Variants in ITIH1 observed in about 807,000 individuals in gnomAD.
ITIH1 encodes inter-alpha-trypsin inhibitor heavy chain 1.
ITIH1 carries 94 observed loss-of-function variants against 104.6 expected under a neutral mutation model. That is an observed-to-expected ratio of 0.90 (90% CI 0.76 to 1.07). The LOEUF (loss-of-function observed/expected upper bound fraction) is 1.07. Among genes scored for constraint, ITIH1 ranks in the 50% least tolerant of loss-of-function variants. The probability of loss-of-function intolerance (pLI) is 0.00; values close to 1 mark genes in which losing one functional copy is unlikely to be tolerated. For missense variants in ITIH1, 1,193 were observed against 1,181.4 expected (o/e 1.01, Z -0.14); for synonymous variants, 455 against 464.4 (o/e 0.98, Z 0.26).
intron 20 of ITIH1, 49 bp from the exon 21 acceptor site, chr3:52,791,468 G>A (rs1699353673): frequency 1.3e-6 from 2 of 1,491,240 alleles, no homozygotes; most frequent in Non-Finnish European, 9.3e-7. Context: ...GTGCAGGGCA[G>A]GAGCAAGTCC....
chr3:52,783,963 G>A (rs774049130), intron 10 of ITIH1, among the ~76,000 whole-genome samples: 1 of 152,178 alleles, frequency 6.6e-6, no homozygotes, highest in African/African-American at 2.4e-5. Flanking sequence ...GCCTGCCCGG[G>A]AACTGTGGGC....
At chr3:52,777,813 A>G in intron 1 of ITIH1, 81 bp downstream of exon 1, 1 of 1,384,326 alleles carries the variant, frequency 7.2e-7, no homozygotes, top group South Asian at 1.3e-5. Context: ...CCCCCATTCA[A>G]GGGGCCAGGG....
At chr3:52,778,844 G>A (rs1698969421) in intron 3 of ITIH1, 98 bp from the exon 4 acceptor site, 1 of 1,099,916 alleles carries the variant, frequency 9.1e-7, no homozygotes, top group Non-Finnish European at 1.4e-6. Flanking sequence ...GGCTCGTCAG[G>A]AGACGTCCTT....
At chr3:52,780,179 G>T in intron 5 of ITIH1, 90 bp from the exon 6 acceptor site, 1 of 1,101,608 alleles carries the variant, frequency 9.1e-7, no homozygotes, top group East Asian at 2.6e-5. Context: ...GCAGGAGGAC[G>T]GCTTGAGCCC....
Position 52,783,253 on chromosome 3 carries a change from T to A in ITIH1, c.1139T>A (p.Ile380Asn), listed in dbSNP as rs1179569948. ...LNGGLLRGIE[I>N]LNQVQESLPE... ...GGAGGTTTGCTCCGGGGAATTGAGA[T>A]CTTGAACCAAGTTCAGGAAAGCCTC... Residue 380 changes from isoleucine (I) to asparagine (N), a missense_variant, in exon 10 of 22, where the codon ATC becomes AAC. Ile to Asn is a moderately radical substitution (Grantham distance 149). Coordinates refer to ENST00000273283, the MANE Select transcript of ITIH1 (RefSeq NM_002215.4). 1.9e-6 allele frequency: 3 copies of A among 1,613,966 alleles called. No homozygotes were observed. In the African/African-American group the frequency reaches 4.0e-5, roughly 22 times the overall value.
chr3:52,791,056 G>C, intron 20 of ITIH1, 135 bp downstream of exon 20: 3 of 846,118 alleles, frequency 3.5e-6, no homozygotes, highest in Non-Finnish European at 5.3e-6. Context: ...CCAAGGAGCA[G>C]AGCCGTCTGA....
intron 18 of ITIH1, among the ~76,000 whole-genome samples, chr3:52,789,094 T>TA (rs1699281685): frequency 2.6e-5 from 4 of 152,152 alleles, no homozygotes; most frequent in Admixed American, 2.6e-4. Flanking sequence ...CCTGTCCAGT[T>TA]AGTCCATCTG....
chr3:52,780,457 C>A, intron 6 of ITIH1, 75 bp downstream of exon 6: 1 of 1,011,032 alleles, frequency 9.9e-7, no homozygotes, highest in Non-Finnish European at 1.5e-6. Flanking sequence ...ATGGAATGTC[C>A]AGCCTTAGCC....
intron 17 of ITIH1, 70 bp downstream of exon 17, chr3:52,788,136 C>A: frequency 6.7e-7 from 1 of 1,503,718 alleles, no homozygotes; most frequent in South Asian, 1.2e-5. Context: ...CTCTCTCTCT[C>A]TGTCTCTCTC....
chr3:52,778,891 T>G (rs981063171), intron 3 of ITIH1, 51 bp from the exon 4 acceptor site: 1 of 1,351,756 alleles, frequency 7.4e-7, no homozygotes, highest in Non-Finnish European at 1.1e-6. Context: ...TCTCAGGACC[T>G]GTGTGGTCAG....
chr3:52,785,149 G>A lies in ITIH1; in HGVS notation c.1513G>A (p.Glu505Lys), dbSNP rs777653995. Residue 505 changes from glutamate (E) to lysine (K), a missense_variant, in exon 12 of 22, where the codon GAA becomes AAA. Glu to Lys is a moderately conservative substitution (Grantham distance 56). Transcript: ENST00000273283. Reference protein sequence around the residue: ...LTQNHHKQYYEGSEIVVAGRI... With the variant: ...LTQNHHKQYYKGSEIVVAGRI... ...CCAGAACCACCATAAACAGTACTAC[G>A]AAGGCTCAGAGATTGTGGTGGCCGG... The A allele has an allele frequency of 1.3e-5, 21 of 1,613,954 alleles. No homozygotes were observed. In the African/African-American group the frequency reaches 2.3e-4, roughly 17 times the overall value.
At chr3:52,777,861 T>C (rs1174574815) in intron 1 of ITIH1, 129 bp downstream of exon 1, 18 of 1,372,242 alleles carry the variant, frequency 1.3e-5, no homozygotes, top group Non-Finnish European at 1.6e-5. Context: ...AGTGGAGAGG[T>C]GACCTCCCAG....
chr3:52,779,314 A>G lies in ITIH1; in HGVS notation c.411-118A>G. ...TAACACATTTGTGAGGTCCAGGGAAACCTGGGAGCAACACTCATCTAAGAG... is the reference window on the plus strand; with the variant it reads ...TAACACATTTGTGAGGTCCAGGGAAGCCTGGGAGCAACACTCATCTAAGAG... On this transcript the variant is annotated intron_variant, in intron 4 of 21. Transcript: ENST00000273283. This position sits in a 1 kb window ranked among gnomAD's most constrained non-coding sequence, Gnocchi z 4.4. 8.7e-7 allele frequency: 1 copy of G among 1,151,124 alleles called. No homozygotes were observed. The allele number at this position is 1,151,124 out of a possible 1,614,324, so 71.3% of individuals were successfully genotyped here. A position where few individuals can be genotyped will look rare whatever the true frequency, so the allele number is the denominator to read the frequency against.
rs143666213 is a variant in ITIH1 at position 52,789,680 on chromosome 3, G to A, written c.2147G>A (p.Gly716Asp). Residue 716 changes from glycine to aspartate, a missense_variant, in exon 19 of 22, where the codon GGC (glycine) becomes GAC (aspartate). By Grantham distance (94) the Gly-to-Asp change is moderately conservative (BLOSUM62 -1). Transcript: ENST00000273283. ...TTCTCAGTGAATGGACAGCTCATTG[G>A]CAACAAGGCCAGGAGCCCTGGGCAG... Reference protein sequence around the residue: ...TGFSVNGQLIGNKARSPGQHD... With the variant: ...TGFSVNGQLIDNKARSPGQHD... 1.1e-5 allele frequency: 18 copies of A among 1,614,080 alleles called. No individual in the cohort carries two copies. The African/African-American group carries it at 1.7e-4, about 16-fold the overall frequency.
chr3:52,788,169 C>CA, intron 17 of ITIH1, 63 bp from the exon 18 acceptor site: 1 of 1,517,142 alleles, frequency 6.6e-7, no homozygotes, highest in African/African-American at 1.4e-5. Context: ...AGCTGAACCC[C>CA]AACCCCTGGC....
chr3:52,787,879 T>C (rs1699241767), intron 16 of ITIH1, 107 bp from the exon 17 acceptor site: 6 of 1,136,862 alleles, frequency 5.3e-6, no homozygotes, highest in Non-Finnish European at 8.1e-6. Context: ...CCCTGCTTGG[T>C]GGCCTCAGGC....
Position 52,781,984 on chromosome 3 carries a change from C to T in ITIH1, c.732C>T (p.Cys244=). 1 of 1,614,194 alleles carries T rather than the reference C, an allele frequency of 6.2e-7. No homozygotes were observed. The highest frequency in any genetic ancestry group is 8.5e-7 in the Non-Finnish European group (1 of 1,180,028). ...FRPTVSQQQS[C]PTCSTSLLNG... ...CCACCGTGAGCCAGCAGCAGTCCTG[C>T]CCCACATGCTCTACATCCTTACTGA... is the stretch of plus-strand genomic sequence containing the variant. The change falls in exon 7 of 22, where the codon TGC becomes TGT. Residue 244 remains cysteine (C), a synonymous_variant. Transcript: ENST00000273283.
intron 6 of ITIH1, among the ~76,000 whole-genome samples, chr3:52,781,208 T>TCTTCTTCTTC (rs563814051): frequency 4.0e-5 from 2 of 49,994 alleles, no homozygotes; most frequent in East Asian, 6.0e-4. Flanking sequence ...TTTTTTTTTT[T>TCTTCTTCTTC]TTCTTCTTCT....
rs1559461193 is a variant in ITIH1 at position 52,781,206 on chromosome 3, T to TC, written c.688-734_688-733insC. Among the ~76,000 whole-genome samples the TC allele has an allele frequency of 2.2e-3, 167 of 74,416 alleles. 4 individuals are homozygous for TC. Among genetic ancestry groups the TC allele is most frequent in the African/African-American group, 9.8e-3 (155 of 15,784 alleles). The allele number at this position is 74,416 out of a possible 152,430, so 48.8% of individuals were successfully genotyped here. A position where few individuals can be genotyped will look rare whatever the true frequency, so the allele number is the denominator to read the frequency against. ...TTCACCTCCTCCTCTTCTTTTTTTT[T>TC]TTTTCTTCTTCTTCTTCTTCTTCTT... On this transcript the variant is annotated intron_variant, in intron 6 of 21. Transcript: ENST00000273283.
Sources: allele counts gnomAD v4.1 joint callset (sites outside exome capture counted in the v4.1 genomes callset), GRCh38; gene constraint gnomAD v4.1.1; non-coding constraint Gnocchi (gnomAD v3.1); transcripts MANE v1.5; gene names NCBI Gene and HGNC (gene_info 2026-07-23, HGNC 2026-07-21).